MDGA2: variants seen among roughly 807,000 people sequenced by gnomAD.
MDGA2 encodes MAM domain-containing glycosylphosphatidylinositol anchor protein 2.
A neutral mutation model predicts 117.8 loss-of-function variants in MDGA2; 40 were observed. That is an observed-to-expected ratio of 0.34 (90% CI 0.26 to 0.44). The LOEUF is 0.44. Ranked by LOEUF, MDGA2 falls within the 20% of genes least tolerant of loss-of-function variation. The probability of loss-of-function intolerance (pLI) is 1.00; values close to 1 mark genes in which losing one functional copy is unlikely to be tolerated. For missense variants in MDGA2, 1,123 were observed against 1,250.6 expected (o/e 0.90, Z 1.54); for synonymous variants, 452 against 439.0 (o/e 1.03, Z -0.37).
chr14:46,863,182 C>A (rs1454701609), intron 14 of MDGA2, among the ~76,000 whole-genome samples: 1 of 151,874 alleles, frequency 6.6e-6, no homozygotes, highest in East Asian at 1.9e-4. Context: ...ATATAATTCC[C>A]TCTTTTGTAG....
At chr14:47,542,058 G>T (rs907000461) in intron 1 of MDGA2, among the ~76,000 whole-genome samples, 2 of 152,146 alleles carry the variant, frequency 1.3e-5, no homozygotes, top group Non-Finnish European at 2.9e-5. Flanking sequence ...CTAATATAGA[G>T]ACACAGAGAG....
At chr14:47,580,295 T>C (rs950439431) in intron 1 of MDGA2, among the ~76,000 whole-genome samples, 7 of 152,070 alleles carry the variant, frequency 4.6e-5, no homozygotes, top group African/African-American at 1.7e-4. Flanking sequence ...ATTTTTGCCT[T>C]CTATGTCCTC....
chr14:47,512,341 A>C lies in MDGA2; in HGVS notation c.280+162176T>G, dbSNP rs959005738. 5.9e-5 allele frequency among the ~76,000 whole-genome samples: 9 copies of C among 152,260 alleles called. No homozygotes were observed. In the East Asian group the frequency reaches 1.7e-3, roughly 29 times the overall value. Reference sequence around the variant, plus strand: ...TTTCTTCTCATTTTTCTGCATTAGGAAATTTTCAGTAAAATTTTGGGTATA... The same window carrying C: ...TTTCTTCTCATTTTTCTGCATTAGGCAATTTTCAGTAAAATTTTGGGTATA... On this transcript the variant is annotated intron_variant, in intron 1 of 16. Coordinates refer to ENST00000399232, the MANE Select transcript of MDGA2 (RefSeq NM_001113498.3).
chr14:47,214,286 G>T (rs1366161848), intron 3 of MDGA2, among the ~76,000 whole-genome samples: 2 of 152,148 alleles, frequency 1.3e-5, no homozygotes, highest in South Asian at 2.1e-4. Context: ...AGAAATATTT[G>T]CATAAATAAC....
intron 1 of MDGA2, among the ~76,000 whole-genome samples, chr14:47,641,896 G>C (rs1265898671): frequency 6.6e-6 from 1 of 152,082 alleles, no homozygotes; most frequent in Non-Finnish European, 1.5e-5. Flanking sequence ...GCAAGGATAG[G>C]AATGGAGAAG....
chr14:47,025,960 G>A (rs1280750876), intron 8 of MDGA2, among the ~76,000 whole-genome samples: 3 of 152,084 alleles, frequency 2.0e-5, no homozygotes, highest in Non-Finnish European at 4.4e-5. Flanking sequence ...TACCAAATAC[G>A]CCTCTAGTAG....
chr14:47,005,287 A>AGAG (rs1887671986), intron 8 of MDGA2, among the ~76,000 whole-genome samples: 1 of 151,522 alleles, frequency 6.6e-6, no homozygotes, highest in African/African-American at 2.4e-5. Flanking sequence ...TAGTTATCTA[A>AGAG]GAGGTTTTTG....
At chr14:47,518,413 A>C (rs1292609471) in intron 1 of MDGA2, among the ~76,000 whole-genome samples, 1 of 152,338 alleles carries the variant, frequency 6.6e-6, no homozygotes, top group East Asian at 1.9e-4. Context: ...GTGTTGATAA[A>C]TATATAAAAC....
At position 47,601,399 on chromosome 14, in the gene MDGA2, T is replaced by A. The variant is rs541966175; in HGVS notation, c.280+73118A>T. On this transcript the variant is annotated intron_variant, in intron 1 of 16. Coordinates refer to ENST00000399232, the MANE Select transcript of MDGA2 (RefSeq NM_001113498.3). Reference sequence around the variant, plus strand: ...ATCCTAGGTTTAGAAGCAAATTTTTTTAAAAAAAAATCTGTATTGATCAAA... The same window carrying A: ...ATCCTAGGTTTAGAAGCAAATTTTTATAAAAAAAAATCTGTATTGATCAAA... Among the ~76,000 whole-genome samples, 344 of 151,734 alleles carry A rather than the reference T, an allele frequency of 2.3e-3. 1 individual carries two copies. The highest frequency in any genetic ancestry group is 7.2e-3 in the African/African-American group (297 of 41,322).
chr14:47,100,151 G>A (rs1348644894), intron 5 of MDGA2, among the ~76,000 whole-genome samples: 1 of 151,758 alleles, frequency 6.6e-6, no homozygotes, highest in African/African-American at 2.4e-5. Context: ...TATTAATTTT[G>A]TTTTATAATA....
At chr14:47,072,112 G>GGC (rs1555349485) in intron 6 of MDGA2, among the ~76,000 whole-genome samples, 1,979 of 107,026 alleles carry the variant, frequency 0.018, 242 homozygotes, top group African/African-American at 0.068. Context: ...GGGGGGGGGG[G>GGC]GGTTTGCAGG....
chr14:47,375,746 G>T (rs758066444), intron 1 of MDGA2, among the ~76,000 whole-genome samples: 1 of 151,894 alleles, frequency 6.6e-6, no homozygotes, highest in East Asian at 1.9e-4. Context: ...TAGAACAATG[G>T]ATTTAGAGTT....
intron 8 of MDGA2, among the ~76,000 whole-genome samples, chr14:46,960,854 T>A (rs1019204877): frequency 1.4e-5 from 2 of 145,278 alleles, no homozygotes; most frequent in East Asian, 3.9e-4. Context: ...ACATATATAT[T>A]TTAATATTTT....
At chr14:46,880,563 G>A (rs973312115) in intron 11 of MDGA2, among the ~76,000 whole-genome samples, 1 of 151,692 alleles carries the variant, frequency 6.6e-6, no homozygotes, top group African/African-American at 2.4e-5. Flanking sequence ...AGCACTTTGG[G>A]AGGCCGAGGC....
chr14:47,448,804 G>A (rs1170680194), intron 1 of MDGA2, among the ~76,000 whole-genome samples: 2 of 152,174 alleles, frequency 1.3e-5, no homozygotes, highest in Non-Finnish European at 2.9e-5. Flanking sequence ...TCCAGGACTT[G>A]CAGCTGGCAT....
rs1449470462 is a variant in MDGA2 at position 47,027,362 on chromosome 14, G to C, written c.1819+7649C>G. Among the ~76,000 whole-genome samples the C allele has an allele frequency of 1.3e-5, 2 of 151,902 alleles. 1 individual carries two copies. The highest frequency in any genetic ancestry group is 1.3e-4 in the Admixed American group (2 of 15,220). ...TATCAATAAAAATGAGTCTTGCCTG[G>C]CTTAATTTGTACCTTTAATCATTCT... On this transcript the variant is annotated intron_variant, in intron 8 of 16. Coordinates refer to ENST00000399232, the MANE Select transcript of MDGA2 (RefSeq NM_001113498.3).
chr14:47,076,855 CATT>C (rs1380358348), intron 6 of MDGA2, among the ~76,000 whole-genome samples: 1 of 152,030 alleles, frequency 6.6e-6, no homozygotes, highest in African/African-American at 2.4e-5. Context: ...TTTATTTCAT[CATT>C]ATTATTCATG....
intron 6 of MDGA2, among the ~76,000 whole-genome samples, chr14:47,065,535 G>C (rs1890048591): frequency 6.6e-6 from 1 of 152,170 alleles, no homozygotes; most frequent in Admixed American, 6.5e-5. Context: ...GAGAAGTCTA[G>C]GCTTGTGGTT....
chr14:47,350,403 A>G (rs985811913), intron 1 of MDGA2, among the ~76,000 whole-genome samples: 2 of 152,216 alleles, frequency 1.3e-5, no homozygotes, highest in Non-Finnish European at 2.9e-5. Context: ...TGGAAATAGC[A>G]GGTAGAAAGA....
Sources: allele counts gnomAD v4.1 joint callset (sites outside exome capture counted in the v4.1 genomes callset), GRCh38; gene constraint gnomAD v4.1.1; transcripts MANE v1.5; gene names NCBI Gene and HGNC (gene_info 2026-07-23, HGNC 2026-07-21).